PRRC2B: variants seen among roughly 807,000 people sequenced by gnomAD.
PRRC2B encodes the protein proline rich coiled-coil 2B.
In PRRC2B, 68 loss-of-function variants were observed where a neutral mutation model predicts 242.3. That is an observed-to-expected ratio of 0.28 (90% confidence interval 0.23 to 0.34). PRRC2B has a LOEUF of 0.34. Among genes scored for constraint, PRRC2B ranks in the 10% least tolerant of loss-of-function variants. The probability of loss-of-function intolerance (pLI) is 1.00; values close to 1 mark genes in which losing one functional copy is unlikely to be tolerated. For synonymous variants in PRRC2B, 1,228 were observed against 1,173.6 expected (o/e 1.05, Z -0.95); for missense variants, 2,835 against 2,954.8 (o/e 0.96, Z 0.94).
At chr9:131,445,916 C>T (rs186994006) in intron 6 of PRRC2B, among the ~76,000 whole-genome samples, 169 of 152,344 alleles carry the variant, frequency 1.1e-3, no homozygotes, top group African/African-American at 3.8e-3. Context: ...ACAGCAGCTG[C>T]GCCTTGCCTG....
intron 1 of PRRC2B, among the ~76,000 whole-genome samples, chr9:131,425,630 G>T (rs1046299006): frequency 6.6e-6 from 1 of 151,692 alleles, no homozygotes; most frequent in South Asian, 2.1e-4. Context: ...TGAGACTGCA[G>T]GCGCCTGCCA....
intron 15 of PRRC2B, among the ~76,000 whole-genome samples, chr9:131,474,055 A>C (rs562391500): frequency 2.8e-4 from 42 of 152,282 alleles, no homozygotes; most frequent in African/African-American, 1.0e-3. Flanking sequence ...AAGTAAACAG[A>C]GTTAGCCCTG....
At position 131,436,728 on chromosome 9, in the gene PRRC2B, T is replaced by G; in HGVS notation, c.396+6T>G. 1 of 1,609,768 alleles carries G rather than the reference T, an allele frequency of 6.2e-7. No homozygotes were observed. Among genetic ancestry groups the G allele is most frequent in the Non-Finnish European group, 8.5e-7 (1 of 1,176,608 alleles). ...CACAGTCAATCAGTCAGGAGGTAGG[T>G]GCTGGGACCCCATCCCAACTGTTTC... is the stretch of plus-strand genomic sequence containing the variant. On this transcript the variant is annotated splice_donor_region_variant and intron_variant, in intron 4 of 31. Transcript: ENST00000683519.
chr9:131,430,199 T>A lies in PRRC2B; in HGVS notation c.55T>A (p.Ser19Thr). 1.2e-6 allele frequency: 2 copies of A among 1,608,630 alleles called. No individual in the cohort carries two copies. The highest frequency in any genetic ancestry group is 1.7e-6 in the Non-Finnish European group (2 of 1,177,594). Residue 19 changes from serine to threonine, a missense_variant, in exon 2 of 32, where the codon TCG becomes ACG. Around this residue, in one of 7 missense-constraint regions of PRRC2B, gnomAD observed 626 missense variants for 685.5 expected, o/e 0.91. Transcript: ENST00000683519. Reference protein sequence around the residue: ...TKGKDGKSKYSTLSLFDKYKG... With the variant: ...TKGKDGKSKYTTLSLFDKYKG... The stretch of plus-strand genomic sequence containing the variant: ...GGGCAAGGATGGGAAAAGCAAGTAC[T>A]CGACTCTCAGCCTGTTTGATAAGTA...
rs377720038 is a variant in PRRC2B at position 131,482,811 on chromosome 9, G to A, written c.5277G>A (p.Arg1759=). ...GAAAGGGCTCGGAGGGGGCCGAGCG[G>A]CTGCAAGGGGCTGTCGTCCCGCCTG... ...KNRKGSEGAE[R]LQGAVVPPVN... Residue 1759 remains arginine (R), a synonymous_variant, in exon 22 of 32, where the codon CGG becomes CGA. Transcript: ENST00000683519. This position sits in a 1 kb window ranked among gnomAD's most constrained non-coding sequence, Gnocchi z 5.2. 4.4e-6 allele frequency: 7 copies of A among 1,609,104 alleles called. No individual in the cohort carries two copies. The African/African-American group carries it at 9.4e-5, about 22-fold the overall frequency.
intron 1 of PRRC2B, among the ~76,000 whole-genome samples, chr9:131,403,386 C>G (rs2966357): frequency 0.8 from 121,647 of 151,758 alleles, 49,770 homozygotes; most frequent in East Asian, 1. Flanking sequence ...GAGTCTTGCT[C>G]TGTTGCCCAG....
chr9:131,449,708 A>G (rs2131394977), intron 9 of PRRC2B, among the ~76,000 whole-genome samples: 1 of 152,262 alleles, frequency 6.6e-6, no homozygotes, highest in South Asian at 2.1e-4. Context: ...TTTTTTTTAA[A>G]CACTGTTTTG....
intron 17 of PRRC2B, 71 bp from the exon 18 acceptor site, chr9:131,478,403 C>A: frequency 6.9e-7 from 1 of 1,452,456 alleles, no homozygotes; most frequent in Non-Finnish European, 9.6e-7. Context: ...TCTCAGGCGC[C>A]TGTTGAATTG....
chr9:131,392,187 C>T (rs146606546), upstream of PRRC2B, among the ~76,000 whole-genome samples: 323 of 151,668 alleles, frequency 2.1e-3, 8 homozygotes, highest in East Asian at 0.056. Context: ...CAACCTCCGC[C>T]ACCCGGGTTT....
intron 10 of PRRC2B, among the ~76,000 whole-genome samples, chr9:131,457,759 A>T (rs561907332): frequency 6.3e-4 from 96 of 152,236 alleles, no homozygotes; most frequent in South Asian, 2.9e-3. Context: ...CTAAAAACAC[A>T]GGTCTTTTAG....
chr9:131,437,405 T>C (rs1369598882), intron 4 of PRRC2B, among the ~76,000 whole-genome samples: 1 of 152,218 alleles, frequency 6.6e-6, no homozygotes, highest in Non-Finnish European at 1.5e-5. Context: ...CAAGAGCTCA[T>C]AACACACTCA....
At chr9:131,411,651 A>G (rs1055615713) in intron 1 of PRRC2B, among the ~76,000 whole-genome samples, 4 of 151,972 alleles carry the variant, frequency 2.6e-5, no homozygotes, top group African/African-American at 2.4e-5. Context: ...CCTCATTTGT[A>G]CTATTTTCTA....
At position 131,499,518 on chromosome 9, in the gene PRRC2B, C is replaced by A. The variant is rs1944413452; in HGVS notation, c.*3644C>A. ...CGTAGGCTTCCAGAAAGCCAGCTCT[C>A]TTCTGAAATGTGACGGACCTAAGCA... is the stretch of plus-strand genomic sequence containing the variant. On this transcript the variant is annotated 3_prime_UTR_variant, in exon 32 of 32. Coordinates refer to ENST00000683519, the MANE Select transcript of PRRC2B (RefSeq NM_013318.4). The A allele has an allele frequency of 6.6e-6, 1 of 152,270 alleles. No homozygotes were observed. Among genetic ancestry groups the A allele is most frequent in the Non-Finnish European group, 1.5e-5 (1 of 68,066 alleles). The allele number at this position is 152,270 out of a possible 1,614,324, so 9.4% of individuals were successfully genotyped here. A position where few individuals can be genotyped will look rare whatever the true frequency, so the allele number is the denominator to read the frequency against.
intron 1 of PRRC2B, among the ~76,000 whole-genome samples, chr9:131,401,023 G>A (rs1392103874): frequency 4.7e-5 from 7 of 150,048 alleles, no homozygotes; most frequent in African/African-American, 1.7e-4. Context: ...GAGCAATGGC[G>A]CGATCTTGGC....
chr9:131,461,644 C>T (rs1280257016), intron 11 of PRRC2B, among the ~76,000 whole-genome samples: 1 of 152,192 alleles, frequency 6.6e-6, no homozygotes, highest in Non-Finnish European at 1.5e-5. Context: ...CGGGTTCAAG[C>T]GATTCTCCTG....
chr9:131,475,023 A>T lies in PRRC2B; in HGVS notation c.2894A>T (p.Glu965Val). The T allele has an allele frequency of 6.2e-7, 1 of 1,607,032 alleles. No homozygotes were observed. The highest frequency in any genetic ancestry group is 1.1e-5 in the South Asian group (1 of 89,652). The stretch of plus-strand genomic sequence containing the variant: ...AAGGAGCTTGAGAAGATTAAGCAGG[A>T]GCTAGGGGAGGAGAGTACCCGGCTG... ...KEKELEKIKQ[E>V]LGEESTRLAK... Residue 965 changes from glutamate (E) to valine (V), a missense_variant, in exon 16 of 32, where the codon GAG (glutamate) becomes GTG (valine). Transcript: ENST00000683519.
intron 13 of PRRC2B, among the ~76,000 whole-genome samples, 156 bp downstream of exon 13, chr9:131,467,909 C>T (rs959587600): frequency 1.3e-5 from 2 of 152,194 alleles, no homozygotes; most frequent in Non-Finnish European, 2.9e-5. Context: ...GGAGTTGTAC[C>T]TCAAAACTTG....
Position 131,430,073 on chromosome 9 carries a change from TCTTC to T in PRRC2B, c.-51-20_-51-17del. The stretch of plus-strand genomic sequence containing the variant: ...TTTTTTCTCTCTCTTTTTTTTTTTT[TCTTC>T]TCTATTTCAAAGGCAGATCGGGAGC... On this transcript the variant is annotated splice_polypyrimidine_tract_variant and intron_variant, in intron 1 of 31. Transcript: ENST00000683519. The T allele has an allele frequency of 1.4e-6, 1 of 697,354 alleles. No homozygotes were observed. Among genetic ancestry groups the T allele is most frequent in the East Asian group, 2.9e-5 (1 of 34,768 alleles). The allele number at this position is 697,354 out of a possible 1,614,324, so 43.2% of individuals were successfully genotyped here.
At chr9:131,445,859 G>C (rs17536434) in intron 6 of PRRC2B, among the ~76,000 whole-genome samples, 8,931 of 152,292 alleles carry the variant, frequency 0.059, 344 homozygotes, top group Admixed American at 0.11. Context: ...AGGTCAGCAG[G>C]TTTCCGTCTG....
Sources: allele counts gnomAD v4.1 joint callset (sites outside exome capture counted in the v4.1 genomes callset), GRCh38; gene constraint gnomAD v4.1.1; regional missense constraint gnomAD v4.1.1; non-coding constraint Gnocchi (gnomAD v3.1); transcripts MANE v1.5; gene names NCBI Gene and HGNC (gene_info 2026-07-23, HGNC 2026-07-21).